Variants in ZNF385B observed in about 807,000 individuals in gnomAD.
The protein encoded by ZNF385B is zinc finger protein 385B.
ZNF385B carries 23 observed loss-of-function variants against 39.2 expected under a neutral mutation model. The ratio of observed to expected loss-of-function variants is 0.59; its 90% confidence interval spans 0.42 to 0.83. The LOEUF (loss-of-function observed/expected upper bound fraction) is 0.83. ZNF385B is among the 40% of genes least tolerant of loss of function. The pLI is 0.00. For synonymous variants in ZNF385B, 205 were observed against 222.6 expected, an observed-to-expected ratio of 0.92 and a Z score of 0.70; for missense variants, 552 against 598.9, an observed-to-expected ratio of 0.92 and a Z score of 0.82.
chr2:179,762,064 G>A (rs1278053179), intron 3 of ZNF385B, among the ~76,000 whole-genome samples: 1 of 152,094 alleles, frequency 6.6e-6, no homozygotes, highest in Non-Finnish European at 1.5e-5. Flanking sequence ...TTAAATCAAG[G>A]TAGTTTCCCT....
intron 3 of ZNF385B, among the ~76,000 whole-genome samples, chr2:179,701,067 T>C (rs995812532): frequency 6.6e-6 from 1 of 152,174 alleles, no homozygotes; most frequent in Non-Finnish European, 1.5e-5. Flanking sequence ...TGGTATCATC[T>C]ATATCATGTT....
chr2:179,714,428 T>C (rs1700191362), intron 3 of ZNF385B, among the ~76,000 whole-genome samples: 2 of 152,198 alleles, frequency 1.3e-5, no homozygotes, highest in African/African-American at 4.8e-5. Flanking sequence ...CACCCAGCAG[T>C]CAGCTTTATT....
chr2:179,539,795 T>C (rs1574685752), intron 4 of ZNF385B, among the ~76,000 whole-genome samples: 1 of 152,198 alleles, frequency 6.6e-6, no homozygotes, highest in Non-Finnish European at 1.5e-5. Flanking sequence ...TTTCTGTTGT[T>C]TCTTGAACAC....
chr2:179,847,306 A>T (rs1708846847), intron 1 of ZNF385B, among the ~76,000 whole-genome samples: 1 of 152,208 alleles, frequency 6.6e-6, no homozygotes, highest in Non-Finnish European at 1.5e-5. Flanking sequence ...CCAAAGCCCC[A>T]GATTCTACCA....
chr2:179,839,222 G>A (rs185231604), intron 1 of ZNF385B, among the ~76,000 whole-genome samples: 146 of 152,298 alleles, frequency 9.6e-4, no homozygotes, highest in Non-Finnish European at 1.6e-3. Context: ...TAGCCAGTGA[G>A]CCATTACATG....
chr2:179,570,316 A>C (rs1409902550), intron 3 of ZNF385B, among the ~76,000 whole-genome samples: 2 of 152,172 alleles, frequency 1.3e-5, no homozygotes, highest in African/African-American at 4.8e-5. Flanking sequence ...CTAAGGCATA[A>C]AAATCTGTAC....
At chr2:179,599,959 T>C (rs1421412405) in intron 3 of ZNF385B, among the ~76,000 whole-genome samples, 3 of 152,228 alleles carry the variant, frequency 2.0e-5, no homozygotes, top group Non-Finnish European at 4.4e-5. Flanking sequence ...TCCAGGTGGA[T>C]GCTTCATGGT....
chr2:179,646,532 A>T (rs1462369279), intron 3 of ZNF385B, among the ~76,000 whole-genome samples: 1 of 152,222 alleles, frequency 6.6e-6, no homozygotes, highest in Non-Finnish European at 1.5e-5. Context: ...CCACTGAATA[A>T]GTGAATGAAT....
At chr2:179,732,334 C>A (rs761921365) in intron 3 of ZNF385B, among the ~76,000 whole-genome samples, 1 of 152,154 alleles carries the variant, frequency 6.6e-6, no homozygotes, top group African/African-American at 2.4e-5. Context: ...ACCCTTAATC[C>A]TGTGTAGGAA....
chr2:179,734,629 A>G (rs577329862), intron 3 of ZNF385B, among the ~76,000 whole-genome samples: 2 of 152,356 alleles, frequency 1.3e-5, no homozygotes, highest in East Asian at 1.9e-4. Context: ...ATGACTTATT[A>G]TCATATGCCA....
intron 5 of ZNF385B, among the ~76,000 whole-genome samples, chr2:179,489,207 T>C (rs2054938198): frequency 6.6e-6 from 1 of 152,202 alleles, no homozygotes; most frequent in African/African-American, 2.4e-5. Flanking sequence ...GCTAGGGCAC[T>C]GAGTCCTGTG....
chr2:179,604,021 TA>T (rs1376644359), intron 3 of ZNF385B, among the ~76,000 whole-genome samples: 1 of 152,184 alleles, frequency 6.6e-6, no homozygotes, highest in Non-Finnish European at 1.5e-5. Flanking sequence ...GAGCTTATTT[TA>T]AAAAATAATG....
chr2:179,667,671 G>A (rs1276678998), intron 3 of ZNF385B, among the ~76,000 whole-genome samples: 1 of 152,194 alleles, frequency 6.6e-6, no homozygotes, highest in African/African-American at 2.4e-5. Context: ...GCTGGAAAGT[G>A]CCAAGCTCTG....
intron 3 of ZNF385B, among the ~76,000 whole-genome samples, chr2:179,768,645 G>C (rs1051974839): frequency 6.6e-6 from 1 of 152,162 alleles, no homozygotes; most frequent in African/African-American, 2.4e-5. Context: ...TTGGGAGGAG[G>C]CTTATCTTGG....
chr2:179,517,711 T>C (rs537594503), intron 5 of ZNF385B, among the ~76,000 whole-genome samples: 17 of 152,272 alleles, frequency 1.1e-4, no homozygotes, highest in Admixed American at 2.6e-4. Flanking sequence ...CGGATTCTGA[T>C]TTACATCGGT....
Position 179,838,164 on chromosome 2 carries a change from C to A in ZNF385B, c.-155+22937G>T, listed in dbSNP as rs754447903. ...TTCTTGTGTTATACAGATCAAGGTT[C>A]CAATGCTGTGCTTGTTTTTAAATCC... On this transcript the variant is annotated intron_variant, in intron 1 of 9. Transcript: ENST00000410066. Among the ~76,000 whole-genome samples, 51 of 152,178 alleles carry A rather than the reference C, an allele frequency of 3.4e-4. 2 individuals are homozygous for A. In the Middle Eastern group the frequency reaches 0.01, roughly 30 times the overall value.
intron 3 of ZNF385B, among the ~76,000 whole-genome samples, chr2:179,649,164 A>G (rs1692994881): frequency 6.6e-6 from 1 of 152,206 alleles, no homozygotes; most frequent in African/African-American, 2.4e-5. Flanking sequence ...CAAACTGGGC[A>G]GTAATTTTCA....
At chr2:179,747,625 C>T (rs1345667911) in intron 3 of ZNF385B, among the ~76,000 whole-genome samples, 3 of 152,122 alleles carry the variant, frequency 2.0e-5, no homozygotes, top group Non-Finnish European at 4.4e-5. Flanking sequence ...ATTATTACCA[C>T]ACATGAAGCT....
intron 3 of ZNF385B, among the ~76,000 whole-genome samples, chr2:179,649,276 T>G (rs1208925450): frequency 6.6e-6 from 1 of 152,228 alleles, no homozygotes; most frequent in African/African-American, 2.4e-5. Flanking sequence ...CAATGACACA[T>G]AATCAGTGAT....
Sources: gnomAD v4.1 joint callset for allele counts (sites outside exome capture counted in the v4.1 genomes callset) on GRCh38, gnomAD v4.1.1 for gene constraint, MANE v1.5 for transcripts, NCBI Gene and HGNC (gene_info 2026-07-23, HGNC 2026-07-21) for gene names.